Variants in SLC16A2 observed in about 807,000 individuals in gnomAD.
The protein encoded by SLC16A2 is monocarboxylate transporter 8.
A neutral mutation model predicts 27.2 loss-of-function variants in SLC16A2; 3 were observed. That is an observed-to-expected ratio of 0.11 (90% CI 0.05 to 0.28). SLC16A2 has a LOEUF of 0.28. Among genes scored for constraint, SLC16A2 ranks in the 10% least tolerant of loss-of-function variants. The pLI is 1.00. For missense variants in SLC16A2, 295 were observed against 458.5 expected (o/e 0.64, Z 3.26); for synonymous variants, 202 against 187.8 (o/e 1.08, Z -0.62).
At chrX:74,451,358 A>T (rs1928937261) in intron 1 of SLC16A2, among the ~76,000 whole-genome samples, 1 of 112,175 alleles carries the variant, frequency 8.9e-6, no homozygotes, top group Non-Finnish European at 1.9e-5. Flanking sequence ...CTGGTTACTC[A>T]TACCTCCCTC....
intron 1 of SLC16A2, among the ~76,000 whole-genome samples, chrX:74,461,959 A>G (rs1406060236): frequency 9.1e-6 from 1 of 109,783 alleles, no homozygotes; most frequent in Non-Finnish European, 1.9e-5. Flanking sequence ...TGTGGCCACC[A>G]CTCTCTCCTA....
intron 1 of SLC16A2, among the ~76,000 whole-genome samples, chrX:74,514,803 C>A (rs935338812): frequency 1.2e-4 from 13 of 111,785 alleles, no homozygotes; most frequent in African/African-American, 3.9e-4. Flanking sequence ...GAATACCCAC[C>A]CCTGCTCAGC....
intron 1 of SLC16A2, among the ~76,000 whole-genome samples, chrX:74,455,869 G>T (rs1195204854): frequency 9.0e-6 from 1 of 111,393 alleles, no homozygotes; most frequent in Non-Finnish European, 1.9e-5. Flanking sequence ...ACTGCTCTGG[G>T]CCCTTAGAAT....
At chrX:74,529,159 C>T in intron 4 of SLC16A2, 54 bp from the exon 5 acceptor site, 1 of 833,661 alleles carries the variant, frequency 1.2e-6, no homozygotes, top group South Asian at 2.2e-5. Flanking sequence ...AGATGTGATG[C>T]TATGTGGTCT....
intron 1 of SLC16A2, among the ~76,000 whole-genome samples, chrX:74,448,994 C>T (rs479640): frequency 0.45 from 49,849 of 110,361 alleles, 9,068 homozygotes; most frequent in East Asian, 0.97. Context: ...TCACCCTGCC[C>T]AATTGTGCAG....
At chrX:74,440,971 C>T (rs756759522) in intron 1 of SLC16A2, among the ~76,000 whole-genome samples, 3 of 111,213 alleles carry the variant, frequency 2.7e-5, no homozygotes, top group Non-Finnish European at 3.8e-5. Context: ...GAGACCTACA[C>T]ACTTTGTTTT....
At chrX:74,455,087 G>T (rs952443962) in intron 1 of SLC16A2, among the ~76,000 whole-genome samples, 4 of 111,917 alleles carry the variant, frequency 3.6e-5, no homozygotes, top group Non-Finnish European at 7.5e-5. Flanking sequence ...ATGTACTTGT[G>T]CAAATTACTT....
At chrX:74,462,705 G>A (rs942909633) in intron 1 of SLC16A2, among the ~76,000 whole-genome samples, 1 of 111,833 alleles carries the variant, frequency 8.9e-6, no homozygotes, top group African/African-American at 3.3e-5. Flanking sequence ...AGAAGGTAGG[G>A]GGAACTTTCA....
At chrX:74,525,183 T>C (rs1376726436) in intron 3 of SLC16A2, among the ~76,000 whole-genome samples, 1 of 111,873 alleles carries the variant, frequency 8.9e-6, no homozygotes. Flanking sequence ...AAGTAACATA[T>C]ACTGGATCTC....
intron 1 of SLC16A2, among the ~76,000 whole-genome samples, chrX:74,496,251 AACACACACACAC>A (rs768625772): frequency 6.2e-5 from 4 of 64,155 alleles, no homozygotes; most frequent in African/African-American, 1.5e-4. Flanking sequence ...GAAGACAGAA[AACACACACACAC>A]ACACACACAC....
At chrX:74,504,647 G>A (rs5937834) in intron 1 of SLC16A2, among the ~76,000 whole-genome samples, 46,032 of 111,109 alleles carry the variant, frequency 0.41, 8,980 homozygotes, top group Non-Finnish European at 0.6. Context: ...TCCATTTTCC[G>A]GATGAGAAAA....
intron 1 of SLC16A2, among the ~76,000 whole-genome samples, chrX:74,443,521 G>T (rs1461675354): frequency 1.8e-5 from 2 of 112,179 alleles, no homozygotes; most frequent in Admixed American, 1.9e-4. Context: ...GAGTTGGCCC[G>T]GGGCTCTGAC....
chrX:74,442,164 G>A (rs759569165), intron 1 of SLC16A2, among the ~76,000 whole-genome samples: 12 of 102,836 alleles, frequency 1.2e-4, no homozygotes, highest in Non-Finnish European at 2.2e-4. Context: ...GGAGGCAGAG[G>A]TTGCCGTGAG....
intron 1 of SLC16A2, among the ~76,000 whole-genome samples, chrX:74,427,426 T>A (rs1436702716): frequency 9.0e-6 from 1 of 111,334 alleles, no homozygotes; most frequent in Non-Finnish European, 1.9e-5. Context: ...TAGCTGAGAG[T>A]GTGCCTACGG....
chrX:74,480,804 CTTG>C (rs752448246), intron 1 of SLC16A2, among the ~76,000 whole-genome samples: 43 of 112,160 alleles, frequency 3.8e-4, no homozygotes, highest in Middle Eastern at 4.6e-3. Context: ...ACATTCTTGT[CTTG>C]TTGTTTATCT....
At chrX:74,486,983 G>T (rs996378195) in intron 1 of SLC16A2, among the ~76,000 whole-genome samples, 22 of 111,671 alleles carry the variant, frequency 2.0e-4, no homozygotes, top group African/African-American at 6.5e-4. Context: ...ACTATCGAAA[G>T]GATTATAAAT....
chrX:74,516,316 G>A (rs1031733253), intron 1 of SLC16A2, among the ~76,000 whole-genome samples: 1 of 112,376 alleles, frequency 8.9e-6, no homozygotes, highest in Non-Finnish European at 1.9e-5. Flanking sequence ...GCCTCCCAAA[G>A]TGCTGAGATT....
At chrX:74,479,050 G>A (rs1929554532) in intron 1 of SLC16A2, among the ~76,000 whole-genome samples, 1 of 111,966 alleles carries the variant, frequency 8.9e-6, no homozygotes, top group South Asian at 3.7e-4. Flanking sequence ...GATTCAGGAA[G>A]TTCTCCTGGA....
At chrX:74,525,929 A>G (rs1427102504) in intron 4 of SLC16A2, 36 bp downstream of exon 4, 1 of 1,198,569 alleles carries the variant, frequency 8.3e-7, no homozygotes, top group South Asian at 1.8e-5. Context: ...GGGGAGAAAC[A>G]GCCTGCCACA....
Sources: gnomAD v4.1 joint callset for allele counts (sites outside exome capture counted in the v4.1 genomes callset) on GRCh38, gnomAD v4.1.1 for gene constraint, MANE v1.5 for transcripts, NCBI Gene and HGNC (gene_info 2026-07-23, HGNC 2026-07-21) for gene names.